The following INSRR variants were observed in gnomAD, a reference collection of about 807,000 sequenced individuals.
INSRR encodes insulin receptor related receptor.
A neutral mutation model predicts 130.0 loss-of-function variants in INSRR; 114 were observed. The observed-to-expected ratio is 0.88, with a 90% confidence interval of 0.75 to 1.02. The LOEUF is 1.02. Ranked by LOEUF, INSRR falls within the 50% of genes least tolerant of loss-of-function variation. The pLI is 0.00. For synonymous variants in INSRR, 674 were observed against 705.2 expected (o/e 0.96, Z 0.70); for missense variants, 1,657 against 1,735.2 (o/e 0.95, Z 0.80).
Position 156,858,901 on chromosome 1 carries a change from C to T in INSRR, c.-280G>A, listed in dbSNP as rs546935982. 2.5e-3 allele frequency: 1,146 copies of T among 459,656 alleles called. 2 individuals are homozygous for T. The highest frequency in any genetic ancestry group is 5.8e-3 in the Middle Eastern group (10 of 1,710). The allele number at this position is 459,656 out of a possible 1,614,324, so 28.5% of individuals were successfully genotyped here. A position where few individuals can be genotyped will look rare whatever the true frequency, so the allele number is the denominator to read the frequency against. ...ATGCAGACAGTGACAGGGAGAGTCT[C>T]GGGCCTCCAGAGGGAGAAAATGACA... On this transcript the variant is annotated 5_prime_UTR_variant, in exon 1 of 22. Coordinates refer to ENST00000368195, the MANE Select transcript of INSRR (RefSeq NM_014215.3).
At position 156,854,444 on chromosome 1, in the gene INSRR, T is replaced by G. The variant is rs1655341414; in HGVS notation, c.86-141A>C. On this transcript the variant is annotated intron_variant, in intron 1 of 21. Transcript: ENST00000368195. This position sits in a 1 kb window ranked among gnomAD's most constrained non-coding sequence, Gnocchi z 4.2. ...GCTCTGCTCTGGGTGTGGGGTGGCC[T>G]CCTTCCTGGGCCCCGGAGGGCTCAC... 10 of 914,102 alleles carry G rather than the reference T, an allele frequency of 1.1e-5. No individual in the cohort carries two copies. Among genetic ancestry groups the G allele is most frequent in the Non-Finnish European group, 1.4e-5 (9 of 621,824 alleles). 56.6% of individuals were successfully genotyped at this position (914,102 alleles called of 1,614,324 possible).
intron 8 of INSRR, 26 bp downstream of exon 8, chr1:156,846,493 G>T: frequency 1.3e-6 from 2 of 1,576,742 alleles, no homozygotes; most frequent in South Asian, 2.2e-5. Context: ...GCGTCTGACT[G>T]ACTCTTGCAC....
rs778328398 is a variant in INSRR at position 156,840,932 on chromosome 1, G to C, written c.3835C>G (p.Pro1279Ala). ...TCTCTTGGAGTGGGTGAGGAGTCAG[G>C]CTCTGCATCGGTGGTAGGCAGGGAG... The part of the protein sequence containing the change: ...RGSLPTTDAE[P>A]DSSPTPRDCS... The change falls in exon 22 of 22, where the codon CCT becomes GCT. Residue 1279 changes from proline (P) to alanine (A), a missense_variant. Physicochemically the swap from Pro to Ala is conservative, Grantham distance 27. Coordinates refer to ENST00000368195, the MANE Select transcript of INSRR (RefSeq NM_014215.3). The C allele has an allele frequency of 3.1e-6, 5 of 1,614,112 alleles. No homozygotes were observed. The highest frequency in any genetic ancestry group is 4.2e-6 in the Non-Finnish European group (5 of 1,179,982).
chr1:156,843,615 T>A, intron 15 of INSRR, 136 bp from the exon 16 acceptor site: 3 of 889,166 alleles, frequency 3.4e-6, no homozygotes, highest in African/African-American at 1.6e-5. Flanking sequence ...GGGTGACTCC[T>A]GGGGATCCCT....
chr1:156,845,160 T>G lies in INSRR; in HGVS notation c.2353A>C (p.Ile785Leu). The G allele has an allele frequency of 6.2e-7, 1 of 1,611,586 alleles. No individual in the cohort carries two copies. Among genetic ancestry groups the G allele is most frequent in the Non-Finnish European group, 8.5e-7 (1 of 1,179,230 alleles). ...SGLRHFTEYR[I>L]DIHACNHAAH... is the part of the protein sequence containing the mutation. ...GCGTGGTTGCAGGCATGGATGTCGA[T>G]CCGGTATTCCGTGAAGTGGCGCAGG... is the stretch of plus-strand genomic sequence containing the variant. Residue 785 changes from isoleucine to leucine, a missense_variant, in exon 12 of 22, where the codon ATC becomes CTC. By Grantham distance (5) the Ile-to-Leu change is conservative (BLOSUM62 2). Coordinates refer to ENST00000368195, the MANE Select transcript of INSRR (RefSeq NM_014215.3).
intron 16 of INSRR, 56 bp from the exon 17 acceptor site, chr1:156,843,289 C>A (rs1055833327): frequency 1.9e-6 from 3 of 1,572,628 alleles, no homozygotes; most frequent in Non-Finnish European, 2.6e-6. Flanking sequence ...CACACCTCAC[C>A]CCCCAACTTC....
chr1:156,850,763 G>T (rs766819386), intron 5 of INSRR, among the ~76,000 whole-genome samples: 1 of 151,198 alleles, frequency 6.6e-6, no homozygotes, highest in Non-Finnish European at 1.5e-5. Context: ...CACCACGTTG[G>T]CCAGGCTGGT....
intron 17 of INSRR, 76 bp from the exon 18 acceptor site, chr1:156,842,584 CCA>C: frequency 9.2e-7 from 1 of 1,089,158 alleles, no homozygotes. Flanking sequence ...TCTGCTATGA[CCA>C]CAGTCTGACT....
chr1:156,849,192 G>A (rs1655116750), intron 6 of INSRR, 54 bp downstream of exon 6: 1 of 1,604,846 alleles, frequency 6.2e-7, no homozygotes, highest in South Asian at 1.1e-5. Context: ...TCCCCCGGGT[G>A]TGCGTGTCTA....
At chr1:156,850,912 G>T (rs1003899070) in intron 5 of INSRR, among the ~76,000 whole-genome samples, 3 of 152,194 alleles carry the variant, frequency 2.0e-5, no homozygotes, top group African/African-American at 7.2e-5. Context: ...TTGACTGGCA[G>T]ATGATAGGAA....
Position 156,845,295 on chromosome 1 carries a change from C to A in INSRR, c.2218G>T (p.Asp740Tyr). The change falls in exon 12 of 22, where the codon GAC becomes TAC. Residue 740 changes from aspartate to tyrosine, a missense_variant and splice_region_variant. By Grantham distance (160) the Asp-to-Tyr change is radical. Transcript: ENST00000368195. Reference sequence around the variant, plus strand: ...GCTGCCCGGCGGTGCCGCCCTGAGTCCCTGGGGAGAGCGAGTCAGAGCCAA... The same window carrying A: ...GCTGCCCGGCGGTGCCGCCCTGAGTACCTGGGGAGAGCGAGTCAGAGCCAA... Reference protein sequence around the residue: ...VTSINKSPQRDSGRHRRAAGP... With the variant: ...VTSINKSPQRYSGRHRRAAGP... The A allele has an allele frequency of 6.2e-7, 1 of 1,612,804 alleles. No individual in the cohort carries two copies.
chr1:156,845,418 G>A lies in INSRR; in HGVS notation c.2175-5C>T. The A allele has an allele frequency of 1.9e-6, 3 of 1,546,920 alleles. No homozygotes were observed. Among genetic ancestry groups the A allele is most frequent in the Non-Finnish European group, 2.6e-6 (3 of 1,146,170 alleles). On this transcript the variant is annotated splice_region_variant and splice_polypyrimidine_tract_variant and intron_variant, in intron 10 of 21. Coordinates refer to ENST00000368195, the MANE Select transcript of INSRR (RefSeq NM_014215.3). ...GACGTCACCTTCCAAGGGGATCTGG[G>A]GAGGCCAGGAGTAGCCCTATCAGGC...
chr1:156,841,260 TA>T (rs368571274), intron 21 of INSRR, 133 bp downstream of exon 21: 41 of 939,568 alleles, frequency 4.4e-5, no homozygotes, highest in African/African-American at 4.2e-4. Flanking sequence ...GGGTTTGGGA[TA>T]GGGGGGTGGC....
intron 1 of INSRR, among the ~76,000 whole-genome samples, chr1:156,857,932 T>C (rs1655467428): frequency 6.6e-6 from 1 of 150,870 alleles, no homozygotes; most frequent in Non-Finnish European, 1.5e-5. Context: ...ACCCCTCCTC[T>C]CTAAAACGTA....
At chr1:156,841,575 C>T in intron 20 of INSRR, 47 bp from the exon 21 acceptor site, 4 of 1,612,322 alleles carry the variant, frequency 2.5e-6, no homozygotes, top group Non-Finnish European at 3.4e-6. Flanking sequence ...TCGTGCTACT[C>T]AGTGCATTCC....
At chr1:156,848,194 C>T (rs1289071045) in intron 7 of INSRR, among the ~76,000 whole-genome samples, 1 of 152,110 alleles carries the variant, frequency 6.6e-6, no homozygotes, top group African/African-American at 2.4e-5. Flanking sequence ...TGACTTCCTT[C>T]CTTTCTCCTC....
intron 15 of INSRR, 89 bp from the exon 16 acceptor site, chr1:156,843,568 G>T: frequency 7.3e-7 from 1 of 1,368,796 alleles, no homozygotes; most frequent in South Asian, 1.2e-5. Context: ...ATTTCAAGGA[G>T]GAGGGAAGTT....
At chr1:156,848,309 G>T (rs1039259567) in intron 7 of INSRR, among the ~76,000 whole-genome samples, 6 of 152,204 alleles carry the variant, frequency 3.9e-5, no homozygotes, top group African/African-American at 1.4e-4. Context: ...ATCTACCAGA[G>T]AGAGAGAGCA....
Position 156,843,118 on chromosome 1 carries a change from T to C in INSRR, c.3012A>G (p.Gly1004=). The change falls in exon 17 of 22, where the codon GGA becomes GGG. Residue 1004 remains glycine (G), a synonymous_variant. Coordinates refer to ENST00000368195, the MANE Select transcript of INSRR (RefSeq NM_014215.3). The stretch of plus-strand genomic sequence containing the variant: ...TCAGGGCCACGGGTGTGGACTCCTC[T>C]CCAGCCTCAAGTCCTCGTGCCAGCC... ...YEGLARGLEA[G]EESTPVALKT... 6.2e-7 allele frequency: 1 copy of C among 1,614,104 alleles called. No homozygotes were observed.
Sources: allele counts gnomAD v4.1 joint callset (sites outside exome capture counted in the v4.1 genomes callset), GRCh38; gene constraint gnomAD v4.1.1; non-coding constraint Gnocchi (gnomAD v3.1); transcripts MANE v1.5; gene names NCBI Gene and HGNC (gene_info 2026-07-23, HGNC 2026-07-21).